NKAIN2: variants seen among roughly 807,000 people sequenced by gnomAD.
NKAIN2 encodes the protein sodium/potassium-transporting ATPase subunit beta-1-interacting protein 2.
Under a neutral mutation model 32.6 loss-of-function variants are expected in NKAIN2, and 14 were observed. The observed-to-expected ratio is 0.43, with a 90% CI of 0.28 to 0.67. The LOEUF (loss-of-function observed/expected upper bound fraction) is 0.67. NKAIN2 is among the 30% of genes least tolerant of loss of function. NKAIN2 has a pLI of 0.17. For missense variants in NKAIN2, 198 were observed against 258.3 expected, an observed-to-expected ratio of 0.77 and a Z score of 1.60; for synonymous variants, 80 against 87.2, an observed-to-expected ratio of 0.92 and a Z score of 0.46.
At position 124,694,779 on chromosome 6, in the gene NKAIN2, A is replaced by G. The variant is rs76132774; in HGVS notation, c.474+36393A>G. Among the ~76,000 whole-genome samples, 726 of 152,340 alleles carry G rather than the reference A, an allele frequency of 4.8e-3. 5 individuals carry two copies. Among genetic ancestry groups the G allele is most frequent in the African/African-American group, 0.017 (691 of 41,580 alleles). On this transcript the variant is annotated intron_variant, in intron 4 of 6. Transcript: ENST00000368417. ...TCACTTTCTGAAGCTTCCTGCTAGC[A>G]TGAAATTGATTTTTTTACCTAGAAA...
intron 2 of NKAIN2, among the ~76,000 whole-genome samples, chr6:124,317,368 G>A (rs1229342877): frequency 1.3e-5 from 2 of 152,084 alleles, no homozygotes; most frequent in Non-Finnish European, 2.9e-5. Flanking sequence ...AGTGTGCAGT[G>A]TAGGAAAGAA....
chr6:124,034,973 T>A (rs551210944), intron 1 of NKAIN2, among the ~76,000 whole-genome samples: 1 of 152,102 alleles, frequency 6.6e-6, no homozygotes, highest in Non-Finnish European at 1.5e-5. Context: ...CTTGGGAGAG[T>A]CCATTTCCAA....
At chr6:124,440,966 A>G (rs1775662346) in intron 3 of NKAIN2, among the ~76,000 whole-genome samples, 1 of 152,078 alleles carries the variant, frequency 6.6e-6, no homozygotes, top group Non-Finnish European at 1.5e-5. Context: ...CCTAGCATGG[A>G]CACACAGTGC....
chr6:124,651,526 G>A (rs560215908), intron 3 of NKAIN2, among the ~76,000 whole-genome samples: 11 of 152,278 alleles, frequency 7.2e-5, no homozygotes, highest in East Asian at 5.8e-4. Context: ...AACTTGGCAC[G>A]TCTGCAGAGT....
chr6:124,117,273 G>A (rs887865815), intron 1 of NKAIN2, among the ~76,000 whole-genome samples: 1 of 152,100 alleles, frequency 6.6e-6, no homozygotes, highest in African/African-American at 2.4e-5. Context: ...ATGAATTTCA[G>A]TGGTACCCAA....
chr6:124,301,368 C>T (rs1421320832), intron 2 of NKAIN2, among the ~76,000 whole-genome samples: 1 of 152,176 alleles, frequency 6.6e-6, no homozygotes, highest in Non-Finnish European at 1.5e-5. Flanking sequence ...GGCGCAGAAC[C>T]CTCGTGGGGA....
chr6:124,124,106 CT>C (rs1389963533), intron 1 of NKAIN2, among the ~76,000 whole-genome samples: 8 of 152,154 alleles, frequency 5.3e-5, no homozygotes. Flanking sequence ...TATTGATTTT[CT>C]ACAAAATAAT....
At chr6:124,109,301 G>A (rs768406848) in intron 1 of NKAIN2, among the ~76,000 whole-genome samples, 1 of 151,868 alleles carries the variant, frequency 6.6e-6, no homozygotes, top group Admixed American at 6.6e-5. Context: ...TCTTTGTGGT[G>A]CACCTGTAAA....
chr6:124,665,652 C>G (rs935939628), intron 4 of NKAIN2, among the ~76,000 whole-genome samples: 1 of 152,148 alleles, frequency 6.6e-6, no homozygotes, highest in Non-Finnish European at 1.5e-5. Flanking sequence ...ATATTAGTGC[C>G]TTCCCTTTCT....
At position 124,444,457 on chromosome 6, in the gene NKAIN2, G is replaced by A. The variant is rs557334413; in HGVS notation, c.273+89110G>A. On this transcript the variant is annotated intron_variant, in intron 3 of 6. Coordinates refer to ENST00000368417, the MANE Select transcript of NKAIN2 (RefSeq NM_001040214.3). ...AATTCCTAACTGGGATGGTTGTACCGTAATGGTTGTTGCTTTCAATATGCC... is the reference window on the plus strand; with the variant it reads ...AATTCCTAACTGGGATGGTTGTACCATAATGGTTGTTGCTTTCAATATGCC... Among the ~76,000 whole-genome samples, 39 of 152,084 alleles carry A rather than the reference G, an allele frequency of 2.6e-4. No individual in the cohort carries two copies. In the South Asian group the frequency reaches 4.1e-3, roughly 16 times the overall value.
chr6:124,500,856 A>G (rs1778263354), intron 3 of NKAIN2, among the ~76,000 whole-genome samples: 1 of 152,100 alleles, frequency 6.6e-6, no homozygotes, highest in African/African-American at 2.4e-5. Context: ...AAGCAGAAAA[A>G]TAAAAAAGTT....
At chr6:124,451,549 C>A (rs1029220505) in intron 3 of NKAIN2, among the ~76,000 whole-genome samples, 1 of 152,054 alleles carries the variant, frequency 6.6e-6, no homozygotes, top group African/African-American at 2.4e-5. Context: ...AGCTAGGGTG[C>A]TCATAAAAGA....
At chr6:124,550,609 G>T (rs965992859) in intron 3 of NKAIN2, among the ~76,000 whole-genome samples, 2 of 152,148 alleles carry the variant, frequency 1.3e-5, no homozygotes, top group Non-Finnish European at 2.9e-5. Context: ...CTTTTAAGAT[G>T]AAAGGTAAGG....
At chr6:124,222,122 T>C (rs541765463) in intron 1 of NKAIN2, among the ~76,000 whole-genome samples, 6 of 152,212 alleles carry the variant, frequency 3.9e-5, no homozygotes, top group Admixed American at 1.3e-4. Context: ...AATCCAGGAA[T>C]CTGGAGTAAA....
intron 3 of NKAIN2, among the ~76,000 whole-genome samples, chr6:124,588,144 C>G (rs1449000169): frequency 6.6e-6 from 1 of 152,042 alleles, no homozygotes. Context: ...TTTATAGCAG[C>G]CAGGGATCAT....
At chr6:124,000,280 A>C (rs1779821341) in intron 1 of NKAIN2, among the ~76,000 whole-genome samples, 1 of 152,086 alleles carries the variant, frequency 6.6e-6, no homozygotes, top group African/African-American at 2.4e-5. Context: ...AGTCCCAGAT[A>C]AAGTGTAATG....
At chr6:124,328,430 C>T (rs751114770) in intron 2 of NKAIN2, among the ~76,000 whole-genome samples, 23 of 152,170 alleles carry the variant, frequency 1.5e-4, no homozygotes, top group Admixed American at 2.6e-4. Context: ...TCTGTGGAAT[C>T]TCATTTTGTG....
intron 4 of NKAIN2, among the ~76,000 whole-genome samples, chr6:124,701,180 G>A (rs570818967): frequency 2.2e-4 from 30 of 138,692 alleles, no homozygotes; most frequent in African/African-American, 5.6e-4. Context: ...CACACACACC[G>A]GATGACATAC....
In NKAIN2 at chr6:123,905,988, C is replaced by T. The variant is rs1215721358; in HGVS notation, c.54+101734C>T. 2.0e-5 allele frequency among the ~76,000 whole-genome samples: 3 copies of T among 152,198 alleles called. 1 individual carries two copies. The East Asian group carries it at 5.8e-4, about 29-fold the overall frequency. On this transcript the variant is annotated intron_variant, in intron 1 of 6. Coordinates refer to ENST00000368417, the MANE Select transcript of NKAIN2 (RefSeq NM_001040214.3). Reference sequence around the variant, plus strand: ...TGGAATTGTTTTGTGCCTTTTCAAGCAGTATAATTTTTAAAAACAAATTCT... The same window carrying T: ...TGGAATTGTTTTGTGCCTTTTCAAGTAGTATAATTTTTAAAAACAAATTCT...
Sources: gnomAD v4.1 joint callset for allele counts (sites outside exome capture counted in the v4.1 genomes callset) on GRCh38, gnomAD v4.1.1 for gene constraint, MANE v1.5 for transcripts, NCBI Gene and HGNC (gene_info 2026-07-23, HGNC 2026-07-21) for gene names.